CCDC91: variants seen among roughly 807,000 people sequenced by gnomAD.
CCDC91 encodes coiled-coil domain-containing protein 91.
In CCDC91, 48 loss-of-function variants were observed where a neutral mutation model predicts 63.2. The ratio of observed to expected loss-of-function variants is 0.76; its 90% CI spans 0.60 to 0.97. The LOEUF (loss-of-function observed/expected upper bound fraction) is 0.97. Among genes scored for constraint, CCDC91 ranks in the 50% least tolerant of loss-of-function variants. CCDC91 has a pLI of 0.00. For synonymous variants in CCDC91, 167 were observed against 165.8 expected, an observed-to-expected ratio of 1.01 and a Z score of -0.06; for missense variants, 500 against 494.6, an observed-to-expected ratio of 1.01 and a Z score of -0.10.
At chr12:28,297,209 A>G (rs1565752753) in intron 3 of CCDC91, among the ~76,000 whole-genome samples, 1 of 151,810 alleles carries the variant, frequency 6.6e-6, no homozygotes, top group Non-Finnish European at 1.5e-5. Context: ...GTGCATGGCT[A>G]TTTTTACCCA....
intron 11 of CCDC91, among the ~76,000 whole-genome samples, chr12:28,462,626 C>G (rs776459060): frequency 6.6e-5 from 10 of 152,052 alleles, no homozygotes; most frequent in Non-Finnish European, 1.5e-4. Context: ...TCCACATGTT[C>G]ATTATGATGA....
At chr12:28,290,821 C>CCT (rs1555175975) in intron 3 of CCDC91, among the ~76,000 whole-genome samples, 1 of 152,058 alleles carries the variant, frequency 6.6e-6, no homozygotes, top group Non-Finnish European at 1.5e-5. Flanking sequence ...ATACCCAACT[C>CCT]ATGTTTTTTA....
chr12:28,359,789 C>CTTTTTTTTTT (rs1565853581), intron 6 of CCDC91, among the ~76,000 whole-genome samples: 3 of 150,516 alleles, frequency 2.0e-5, no homozygotes, highest in African/African-American at 7.5e-5. Context: ...TTTCTATTTA[C>CTTTTTTTTTT]TTTTAAAATC....
rs751672227 is a variant in CCDC91 at position 28,549,194 on chromosome 12, A to G, written c.*21A>G. The G allele has an allele frequency of 2.3e-6, 3 of 1,292,454 alleles. No homozygotes were observed. Among genetic ancestry groups the G allele is most frequent in the Admixed American group, 1.7e-5 (1 of 59,048 alleles). 80.1% of individuals were successfully genotyped at this position (1,292,454 alleles called of 1,614,324 possible). A position where few individuals can be genotyped will look rare whatever the true frequency, so the allele number is the denominator to read the frequency against. On this transcript the variant is annotated 3_prime_UTR_variant, in exon 13 of 13. Coordinates refer to ENST00000536442, the MANE Select transcript of CCDC91 (RefSeq NM_018318.5). ...AATAAAAAGAACATGACAAACCCAC[A>G]CTGGCATTGGATAAATCATATTACA...
intron 1 of CCDC91, chr12:28,191,128 T>G (rs988209295): frequency 6.6e-6 from 1 of 152,264 alleles, no homozygotes; most frequent in Non-Finnish European, 1.5e-5. Context: ...AAAGTGGCAT[T>G]TCAGGGTCAA....
chr12:28,504,794 G>GA (rs1938498725), intron 12 of CCDC91, among the ~76,000 whole-genome samples: 1 of 151,814 alleles, frequency 6.6e-6, no homozygotes, highest in Non-Finnish European at 1.5e-5. Flanking sequence ...TATAGACCAA[G>GA]AAAAAAATGC....
intron 8 of CCDC91, among the ~76,000 whole-genome samples, chr12:28,443,753 T>C (rs1202098887): frequency 6.6e-6 from 1 of 152,124 alleles, no homozygotes; most frequent in Non-Finnish European, 1.5e-5. Flanking sequence ...GACAGAACAT[T>C]TTTTAAAAAT....
intron 7 of CCDC91, among the ~76,000 whole-genome samples, chr12:28,369,723 T>C (rs1426063088): frequency 1.3e-5 from 2 of 152,212 alleles, no homozygotes; most frequent in African/African-American, 4.8e-5. Context: ...GGCATTTACC[T>C]ACATCCTCTG....
At chr12:28,285,158 A>G (rs918072487) in intron 3 of CCDC91, among the ~76,000 whole-genome samples, 4 of 152,168 alleles carry the variant, frequency 2.6e-5, no homozygotes, top group Non-Finnish European at 5.9e-5. Context: ...ATGGTTATCT[A>G]AGGTTTCTTC....
At chr12:28,341,497 C>G (rs1185420484) in intron 6 of CCDC91, among the ~76,000 whole-genome samples, 5 of 152,204 alleles carry the variant, frequency 3.3e-5, no homozygotes, top group African/African-American at 9.7e-5. Context: ...GATAATCTCC[C>G]TATTTTAAAA....
Position 28,190,468 on chromosome 12 carries a change from A to T in CCDC91, c.-188A>T, listed in dbSNP as rs1941098422. ...AACTTCCGGGGGCAGAGGTGTTCGA[A>T]GCCGGGTGGTGCGTGGGCTACCCCA... On this transcript the variant is annotated 5_prime_UTR_variant, in exon 1 of 13. In the 5' UTR this introduces an upstream ATG that the reference lacks. Transcript: ENST00000536442. 2 of 152,788 alleles carry T rather than the reference A, an allele frequency of 1.3e-5. No individual in the cohort carries two copies. The highest frequency in any genetic ancestry group is 4.8e-5 in the African/African-American group (2 of 41,450). 9.5% of individuals were successfully genotyped at this position (152,788 alleles called of 1,614,324 possible).
At chr12:28,449,956 T>C (rs1313672531) in intron 8 of CCDC91, among the ~76,000 whole-genome samples, 1 of 151,946 alleles carries the variant, frequency 6.6e-6, no homozygotes, top group African/African-American at 2.4e-5. Context: ...TCTGTTGAAC[T>C]TGGGGCTAAG....
intron 8 of CCDC91, among the ~76,000 whole-genome samples, chr12:28,419,844 C>A (rs1473632663): frequency 6.6e-6 from 1 of 151,730 alleles, no homozygotes; most frequent in Non-Finnish European, 1.5e-5. Flanking sequence ...ATAGCCTTAA[C>A]CTGCTTGGCT....
chr12:28,420,427 T>A (rs1947932899), intron 8 of CCDC91, among the ~76,000 whole-genome samples: 1 of 152,182 alleles, frequency 6.6e-6, no homozygotes, highest in Admixed American at 6.6e-5. Context: ...TATTTTTGTG[T>A]TATTTTTCCT....
chr12:28,493,747 AG>A (rs200078377), intron 12 of CCDC91, among the ~76,000 whole-genome samples: 1,929 of 151,844 alleles, frequency 0.013, 19 homozygotes, highest in Middle Eastern at 0.044. Context: ...AAAATACTGA[AG>A]GTATCTCTTA....
intron 8 of CCDC91, among the ~76,000 whole-genome samples, chr12:28,422,998 AT>A (rs1378240081): frequency 6.6e-6 from 1 of 151,916 alleles, no homozygotes; most frequent in African/African-American, 2.4e-5. Context: ...TGGCTTATTA[AT>A]CTCCCTCAAT....
At chr12:28,454,976 G>A (rs1478066149) in intron 11 of CCDC91, among the ~76,000 whole-genome samples, 2 of 151,988 alleles carry the variant, frequency 1.3e-5, no homozygotes, top group Non-Finnish European at 2.9e-5. Context: ...AGGATCCAGG[G>A]TTTTCCTGTT....
intron 8 of CCDC91, among the ~76,000 whole-genome samples, chr12:28,400,426 G>T (rs1398238877): frequency 1.3e-5 from 2 of 149,552 alleles, no homozygotes; most frequent in Admixed American, 1.4e-4. Flanking sequence ...GAGAGGGACT[G>T]CTGTGAAGAC....
intron 11 of CCDC91, among the ~76,000 whole-genome samples, chr12:28,467,900 A>G (rs1950621934): frequency 1.3e-5 from 2 of 151,914 alleles, no homozygotes; most frequent in East Asian, 1.9e-4. Flanking sequence ...AAATTGAAGC[A>G]TATTATGGAA....
Sources: gnomAD v4.1 joint callset for allele counts (sites outside exome capture counted in the v4.1 genomes callset) on GRCh38, gnomAD v4.1.1 for gene constraint, MANE v1.5 for transcripts, NCBI Gene and HGNC (gene_info 2026-07-23, HGNC 2026-07-21) for gene names.